The following PATL1 variants were observed in gnomAD, a reference collection of about 807,000 sequenced individuals.
PATL1 encodes the protein PAT1 homolog 1, processing body mRNA decay factor.
A neutral mutation model predicts 100.6 loss-of-function variants in PATL1; 32 were observed. The ratio of observed to expected loss-of-function variants is 0.32; its 90% CI spans 0.24 to 0.43. The LOEUF is 0.43. PATL1 is among the 20% of genes least tolerant of loss of function. The pLI, the probability that PATL1 is intolerant of heterozygous loss-of-function variation, is 1.00. For missense variants in PATL1, 747 were observed against 949.9 expected (o/e 0.79, Z 2.81); for synonymous variants, 332 against 330.0 (o/e 1.01, Z -0.07).
intron 9 of PATL1, among the ~76,000 whole-genome samples, chr11:59,653,377 A>T (rs1046207876): frequency 6.6e-6 from 1 of 152,190 alleles, no homozygotes; most frequent in Non-Finnish European, 1.5e-5. Context: ...CCATACATCT[A>T]GTGGTGGACT....
At chr11:59,652,064 CAAAAAAAAAAAAAAAAAAAAAA>C (rs748019832) in intron 11 of PATL1, among the ~76,000 whole-genome samples, 1 of 52,996 alleles carries the variant, frequency 1.9e-5, no homozygotes, top group Non-Finnish European at 3.3e-5. Flanking sequence ...GGCTCTTTCT[CAAAAAAAAAAAAAAAAAAAAAA>C]AAAAAAGACA....
At position 59,652,477 on chromosome 11, in the gene PATL1, G is replaced by T. The variant is rs767659762; in HGVS notation, c.1413C>A (p.His471Gln). ...LITPQVAKLE[H>Q]AYKPVQFEGS... Reference sequence around the variant, plus strand: ...TGAGGACCTTACCTGGCTTATAGGCGTGCTCCAGTTTGGCCACCTGAGGGG... The same window carrying T: ...TGAGGACCTTACCTGGCTTATAGGCTTGCTCCAGTTTGGCCACCTGAGGGG... The change falls in exon 11 of 19, where the codon CAC (histidine) becomes CAA (glutamine). Residue 471 changes from histidine (H) to glutamine (Q), a missense_variant. Around this residue, in one of 4 missense-constraint regions of PATL1, gnomAD observed 434 missense variants for 596.1 expected, o/e 0.73. Coordinates refer to ENST00000300146, the MANE Select transcript of PATL1 (RefSeq NM_152716.3). 1.9e-6 allele frequency: 3 copies of T among 1,613,052 alleles called. No individual in the cohort carries two copies. The highest frequency in any genetic ancestry group is 3.3e-5 in the Admixed American group (2 of 59,828).
At position 59,638,933 on chromosome 11, in the gene PATL1, T is replaced by G. The variant is rs962931318; in HGVS notation, c.2291+115A>C. 2.5e-6 allele frequency: 3 copies of G among 1,189,994 alleles called. No individual in the cohort carries two copies. The East Asian group carries it at 7.3e-5, about 29-fold the overall frequency. The allele number at this position is 1,189,994 out of a possible 1,614,324, so 73.7% of individuals were successfully genotyped here. A position where few individuals can be genotyped will look rare whatever the true frequency, so the allele number is the denominator to read the frequency against. On this transcript the variant is annotated intron_variant, in intron 18 of 18. Coordinates refer to ENST00000300146, the MANE Select transcript of PATL1 (RefSeq NM_152716.3). ...CCTGGCCTCAAGTGATCCACCCTCC[T>G]GGGTGTCCTAAAATGCTGGGATTAC...
intron 2 of PATL1, among the ~76,000 whole-genome samples, chr11:59,665,509 A>T (rs1402793119): frequency 6.6e-6 from 1 of 152,236 alleles, no homozygotes; most frequent in Non-Finnish European, 1.5e-5. Context: ...GCTTAAAAAT[A>T]TACAGTTTTG....
At position 59,637,985 on chromosome 11, in the gene PATL1, T is replaced by C. The variant is rs1861216869; in HGVS notation, c.*405A>G. 8.8e-6 allele frequency: 2 copies of C among 226,476 alleles called. No individual in the cohort carries two copies. The highest frequency in any genetic ancestry group is 1.6e-4 in the South Asian group (2 of 12,602). 14.0% of individuals were successfully genotyped at this position (226,476 alleles called of 1,614,324 possible). A position where few individuals can be genotyped will look rare whatever the true frequency, so the allele number is the denominator to read the frequency against. On this transcript the variant is annotated 3_prime_UTR_variant, in exon 19 of 19. Coordinates refer to ENST00000300146, the MANE Select transcript of PATL1 (RefSeq NM_152716.3). ...CTTAATTGGCTCTTCTATAGTCATA[T>C]TAATATGGGGCAATGAAAAAACAAC...
chr11:59,648,441 C>T (rs1214854663), intron 14 of PATL1, among the ~76,000 whole-genome samples: 1 of 150,724 alleles, frequency 6.6e-6, no homozygotes, highest in African/African-American at 2.4e-5. Flanking sequence ...CCACCTCAGC[C>T]TCCCAAAGTG....
chr11:59,645,663 A>C (rs1011504380), intron 15 of PATL1, among the ~76,000 whole-genome samples: 1 of 152,082 alleles, frequency 6.6e-6, no homozygotes, highest in Non-Finnish European at 1.5e-5. Flanking sequence ...GGTGATCAAT[A>C]TATGTTTAAC....
intron 1 of PATL1, among the ~76,000 whole-genome samples, chr11:59,667,565 A>G (rs1159766886): frequency 2.0e-5 from 3 of 152,200 alleles, no homozygotes; most frequent in Admixed American, 1.3e-4. Flanking sequence ...CATTCCTACA[A>G]TCAGTGTGAA....
At chr11:59,648,235 G>A (rs780659773) in intron 14 of PATL1, among the ~76,000 whole-genome samples, 1 of 146,938 alleles carries the variant, frequency 6.8e-6, no homozygotes, top group African/African-American at 2.5e-5. Flanking sequence ...ACCCAGGCTG[G>A]AGTGCAGTGG....
chr11:59,638,945 A>G (rs1375421470), intron 18 of PATL1, 103 bp downstream of exon 18: 39 of 1,328,702 alleles, frequency 2.9e-5, no homozygotes, highest in Middle Eastern at 1.9e-4. Flanking sequence ...GGTGTCCTAA[A>G]ATGCTGGGAT....
chr11:59,664,117 C>T (rs1335451399), intron 2 of PATL1, among the ~76,000 whole-genome samples: 1 of 152,142 alleles, frequency 6.6e-6, no homozygotes, highest in Non-Finnish European at 1.5e-5. Context: ...CACCCTTTGG[C>T]CCTAAGGTAC....
intron 2 of PATL1, among the ~76,000 whole-genome samples, chr11:59,666,290 G>A (rs1400091545): frequency 1.3e-5 from 2 of 152,150 alleles, no homozygotes; most frequent in South Asian, 2.1e-4. Context: ...TCTATACCCA[G>A]GGATGGACAA....
intron 1 of PATL1, 168 bp from the exon 2 acceptor site, chr11:59,667,132 T>G (rs1188371356): frequency 1.1e-6 from 1 of 938,222 alleles, no homozygotes; most frequent in African/African-American, 1.8e-5. Flanking sequence ...CACTGGAAGA[T>G]TTCATCATCT....
chr11:59,648,107 A>T (rs145619779), intron 14 of PATL1, among the ~76,000 whole-genome samples, 194 bp from the exon 15 acceptor site: 235 of 152,250 alleles, frequency 1.5e-3, no homozygotes, highest in Non-Finnish European at 2.3e-3. Flanking sequence ...TTACAAATGT[A>T]GAAAATAATC....
chr11:59,648,519 A>G (rs948594570), intron 14 of PATL1, among the ~76,000 whole-genome samples: 5 of 151,526 alleles, frequency 3.3e-5, no homozygotes, highest in African/African-American at 1.2e-4. Flanking sequence ...ACAGCTTAAA[A>G]AAAAAAAAAA....
chr11:59,666,929 A>C lies in PATL1; in HGVS notation c.51T>G (p.Asp17Glu). ...CTTCTTCTCCCAGTCCCTGAAATGCATCTTCATCTTCATCCAGAGGACAAT... is the reference window on the plus strand; with the variant it reads ...CTTCTTCTCCCAGTCCCTGAAATGCCTCTTCATCTTCATCCAGAGGACAAT... ...LEDCPLDEDE[D>E]AFQGLGEEDE... The change falls in exon 2 of 19, where the codon GAT (aspartate) becomes GAG (glutamate). Residue 17 changes from aspartate to glutamate, a missense_variant. Asp to Glu is a conservative substitution (Grantham distance 45). Around this residue, in one of 4 missense-constraint regions of PATL1, gnomAD observed 183 missense variants for 221.2 expected, o/e 0.83. Transcript: ENST00000300146. 1 of 1,550,414 alleles carries C rather than the reference A, an allele frequency of 6.4e-7. No homozygotes were observed. Among genetic ancestry groups the C allele is most frequent in the Non-Finnish European group, 8.7e-7 (1 of 1,146,334 alleles).
At chr11:59,663,417 C>T (rs1222219307) in intron 2 of PATL1, among the ~76,000 whole-genome samples, 1 of 152,100 alleles carries the variant, frequency 6.6e-6, no homozygotes, top group African/African-American at 2.4e-5. Flanking sequence ...AGGGTGATTC[C>T]TTCCAAGTGG....
At chr11:59,666,016 G>A (rs748986290) in intron 2 of PATL1, among the ~76,000 whole-genome samples, 29 of 152,028 alleles carry the variant, frequency 1.9e-4, no homozygotes, top group Non-Finnish European at 3.8e-4. Context: ...GGCTGGGCGC[G>A]GTGGCTCAGG....
chr11:59,656,088 CAG>C (rs1565134451), intron 6 of PATL1, 43 bp from the exon 7 acceptor site: 30 of 1,130,762 alleles, frequency 2.7e-5, no homozygotes, highest in Middle Eastern at 3.0e-4. Context: ...TGCTATAAAA[CAG>C]GGGGTACATC....
Sources: allele counts gnomAD v4.1 joint callset (sites outside exome capture counted in the v4.1 genomes callset), GRCh38; gene constraint gnomAD v4.1.1; regional missense constraint gnomAD v4.1.1; transcripts MANE v1.5; gene names NCBI Gene and HGNC (gene_info 2026-07-23, HGNC 2026-07-21).